Variants in SMC1A observed in about 807,000 individuals in gnomAD.
The protein encoded by SMC1A is structural maintenance of chromosomes protein 1A.
In SMC1A, 4 loss-of-function variants were observed where a neutral mutation model predicts 94.5. The observed-to-expected ratio is 0.04, with a 90% CI of 0.02 to 0.10. SMC1A has a LOEUF of 0.10. Ranked by LOEUF, SMC1A falls within the 10% of genes least tolerant of loss-of-function variation. The pLI, the probability that SMC1A is intolerant of heterozygous loss-of-function variation, is 1.00. For synonymous variants in SMC1A, 345 were observed against 347.7 expected (o/e 0.99, Z 0.09); for missense variants, 304 against 989.0 (o/e 0.31, Z 9.29).
At chrX:53,399,274 T>C (rs192888284) in intron 16 of SMC1A, among the ~76,000 whole-genome samples, 11 of 112,312 alleles carry the variant, frequency 9.8e-5, no homozygotes, top group Non-Finnish European at 1.9e-4. Flanking sequence ...TCCTATACCA[T>C]GGCTGGTATT....
In SMC1A at chrX:53,374,364, AT is replaced by A. The variant is rs1730537816; in HGVS notation, c.*5738del. ...GGTGACTCAACTCCTTTCTGGCTGTATTTATACTCCTCCTACTGCTACTGAC... is the reference window on the plus strand; with the variant it reads ...GGTGACTCAACTCCTTTCTGGCTGTATTATACTCCTCCTACTGCTACTGAC... On this transcript the variant is annotated 3_prime_UTR_variant, in exon 25 of 25. Transcript: ENST00000322213. The A allele has an allele frequency of 9.0e-6, 1 of 111,355 alleles. No homozygotes were observed. The highest frequency in any genetic ancestry group is 9.5e-5 in the Admixed American group (1 of 10,486). 9.2% of individuals were successfully genotyped at this position (111,355 alleles called of 1,213,427 possible).
At chrX:53,383,637 C>T (rs1407052739) in intron 19 of SMC1A, among the ~76,000 whole-genome samples, 1 of 112,748 alleles carries the variant, frequency 8.9e-6, no homozygotes, top group African/African-American at 3.2e-5. Flanking sequence ...CCACTTACAG[C>T]TCCACAATAA....
At chrX:53,421,460 C>T (rs782382516) in intron 1 of SMC1A, among the ~76,000 whole-genome samples, 1 of 112,141 alleles carries the variant, frequency 8.9e-6, no homozygotes, top group Non-Finnish European at 1.9e-5. Flanking sequence ...GCAAGGGCAG[C>T]CTCTTAGGCT....
intron 19 of SMC1A, among the ~76,000 whole-genome samples, chrX:53,392,879 C>T (rs1424746292): frequency 2.7e-5 from 3 of 112,047 alleles, no homozygotes; most frequent in Non-Finnish European, 1.9e-5. Flanking sequence ...TTTCCACTGT[C>T]TCTAATGCAG....
chrX:53,418,412 G>T (rs1434853559), intron 1 of SMC1A, among the ~76,000 whole-genome samples: 1 of 111,959 alleles, frequency 8.9e-6, no homozygotes, highest in East Asian at 2.8e-4. Context: ...TGGGATTACA[G>T]GCATAAGCTA....
intron 8 of SMC1A, 43 bp downstream of exon 8, chrX:53,409,378 G>T: frequency 1.7e-6 from 2 of 1,161,477 alleles, no homozygotes; most frequent in Non-Finnish European, 2.4e-6. Context: ...AGGGTCACAA[G>T]AACAGGCCTG....
At position 53,383,256 on chromosome X, in the gene SMC1A, G is replaced by A. The variant is rs1556886139; in HGVS notation, c.2974-3C>T. The A allele has an allele frequency of 8.6e-7, 1 of 1,167,362 alleles. No homozygotes were observed. The highest frequency in any genetic ancestry group is 1.1e-6 in the Non-Finnish European group (1 of 873,022). ...ATCTCTTCCTCAGCCTGGGCATCCT[G>A]TAAGCCCCAGGCCCAGCAATGTCAA... is the stretch of plus-strand genomic sequence containing the variant. On this transcript the variant is annotated splice_polypyrimidine_tract_variant and splice_region_variant and intron_variant, in intron 19 of 24. Transcript: ENST00000322213.
In SMC1A at chrX:53,415,006, G is replaced by A. The variant is rs2075726723; in HGVS notation, c.273C>T (p.Asp91=). The change falls in exon 2 of 25, where the codon GAC becomes GAT. Residue 91 remains aspartate (D), a synonymous_variant. Coordinates refer to ENST00000322213, the MANE Select transcript of SMC1A (RefSeq NM_006306.4). The part of the protein sequence containing the change: ...SMVYSEEGAE[D]RTFARVIVGG... ...CTACAATGACACGGGCAAAGGTACG[G>A]TCCTCAGCACCCTCCTCAGAGTAGA... is the stretch of plus-strand genomic sequence containing the variant. 1.7e-6 allele frequency: 2 copies of A among 1,209,100 alleles called. No homozygotes were observed. The highest frequency in any genetic ancestry group is 2.2e-6 in the Non-Finnish European group (2 of 895,031).
intron 16 of SMC1A, among the ~76,000 whole-genome samples, chrX:53,398,638 C>T (rs2075660400): frequency 9.0e-6 from 1 of 110,860 alleles, no homozygotes; most frequent in Admixed American, 9.7e-5. Context: ...TAAGTAACAT[C>T]ACGGATTTAA....
chrX:53,418,712 C>A (rs1483099487), intron 1 of SMC1A, among the ~76,000 whole-genome samples: 5 of 112,195 alleles, frequency 4.5e-5, no homozygotes, highest in Non-Finnish European at 9.4e-5. Context: ...GGGTTACAGG[C>A]ATGAGCCACC....
chrX:53,387,870 A>G (rs2075611336), intron 19 of SMC1A, among the ~76,000 whole-genome samples: 1 of 111,537 alleles, frequency 9.0e-6, no homozygotes, highest in South Asian at 3.8e-4. Flanking sequence ...TAATGATATG[A>G]GAACTCAGTG....
At chrX:53,382,092 C>T in intron 22 of SMC1A, 140 bp downstream of exon 22, 1 of 729,239 alleles carries the variant, frequency 1.4e-6, no homozygotes. Flanking sequence ...AGATATGCTG[C>T]AGTAGATAGT....
intron 1 of SMC1A, among the ~76,000 whole-genome samples, chrX:53,419,657 C>G (rs1556891782): frequency 9.2e-6 from 1 of 109,070 alleles, no homozygotes; most frequent in Non-Finnish European, 1.9e-5. Context: ...AACCCCGTCT[C>G]TACTAAAAAT....
chrX:53,402,519 G>A (rs1485720513), intron 15 of SMC1A, among the ~76,000 whole-genome samples: 2 of 106,019 alleles, frequency 1.9e-5, no homozygotes, highest in African/African-American at 6.9e-5. Flanking sequence ...CTTAGTAGAT[G>A]ATATGTAAGC....
At chrX:53,382,989 A>G in intron 20 of SMC1A, 108 bp downstream of exon 20, 2 of 821,387 alleles carry the variant, frequency 2.4e-6, no homozygotes, top group Non-Finnish European at 3.6e-6. Context: ...GAGAGTTTTA[A>G]GTAAGAAAAC....
intron 9 of SMC1A, among the ~76,000 whole-genome samples, chrX:53,407,585 A>T (rs886559722): frequency 6.2e-5 from 7 of 112,233 alleles, no homozygotes; most frequent in Non-Finnish European, 1.3e-4. Flanking sequence ...AATTTATAGC[A>T]GGTCAGTCAG....
In SMC1A at chrX:53,411,916, G is replaced by A. The variant is rs1489497654; in HGVS notation, c.1114-15C>T. 7.4e-6 allele frequency: 9 copies of A among 1,211,610 alleles called. No homozygotes were observed. Among genetic ancestry groups the A allele is most frequent in the Non-Finnish European group, 1.0e-5 (9 of 895,442 alleles). On this transcript the variant is annotated splice_polypyrimidine_tract_variant and intron_variant, in intron 6 of 24. Transcript: ENST00000322213. ...TATTTCTTCACCTGTGTTAGGGACAGGGAAGGAGAACAGGGATGACCAAGT... is the reference window on the plus strand; with the variant it reads ...TATTTCTTCACCTGTGTTAGGGACAAGGAAGGAGAACAGGGATGACCAAGT...
chrX:53,407,380 G>A (rs189532402), intron 9 of SMC1A, among the ~76,000 whole-genome samples: 39 of 112,323 alleles, frequency 3.5e-4, no homozygotes, highest in African/African-American at 1.2e-3. Context: ...CCTGGAGGGT[G>A]GCTTGCCCAG....
rs973699618 is a variant in SMC1A, at chrX:53,403,483, C to T, written c.2420+83G>A. On this transcript the variant is annotated intron_variant, in intron 15 of 24. Transcript: ENST00000322213. Reference sequence around the variant, plus strand: ...CATAGTTCTAAGAGCTGACCCTTGCCTATGACAGCATCTGGTTTTCCAAGG... The same window carrying T: ...CATAGTTCTAAGAGCTGACCCTTGCTTATGACAGCATCTGGTTTTCCAAGG... 1.5e-5 allele frequency: 11 copies of T among 748,549 alleles called. No homozygotes were observed. The African/African-American group carries it at 2.3e-4, about 16-fold the overall frequency. 61.7% of individuals were successfully genotyped at this position (748,549 alleles called of 1,213,427 possible). A position where few individuals can be genotyped will look rare whatever the true frequency, so the allele number is the denominator to read the frequency against.
Sources: gnomAD v4.1 joint callset for allele counts (sites outside exome capture counted in the v4.1 genomes callset) on GRCh38, gnomAD v4.1.1 for gene constraint, MANE v1.5 for transcripts, NCBI Gene and HGNC (gene_info 2026-07-23, HGNC 2026-07-21) for gene names.